Variants in NWD2 observed in about 807,000 individuals in gnomAD.
The protein encoded by NWD2 is NACHT and WD repeat domain-containing protein 2.
NWD2 carries 37 observed loss-of-function variants against 132.7 expected under a neutral mutation model. The ratio of observed to expected loss-of-function variants is 0.28; its 90% CI spans 0.21 to 0.37. The LOEUF is 0.37. Ranked by LOEUF, NWD2 falls within the 10% of genes least tolerant of loss-of-function variation. The pLI is 1.00. For missense variants in NWD2, 1,592 were observed against 2,122.4 expected, an observed-to-expected ratio of 0.75 and a Z score of 4.91; for synonymous variants, 705 against 803.0, an observed-to-expected ratio of 0.88 and a Z score of 2.06.
chr4:37,430,699 G>A lies in NWD2; in HGVS notation c.485G>A (p.Cys162Tyr). ...ACCAAGTTGCTGGAGGAGTGGTACT[G>A]TCGAGATGAGAACTCGGTGCCAGCA... is the stretch of plus-strand genomic sequence containing the variant. ...LETKLLEEWY[C>Y]RDENSVPAAY... Residue 162 changes from cysteine (C) to tyrosine (Y), a missense_variant, in exon 4 of 7, where the codon TGT (cysteine) becomes TAT (tyrosine). Transcript: ENST00000309447. 6.4e-7 allele frequency: 1 copy of A among 1,551,608 alleles called. No individual in the cohort carries two copies. The highest frequency in any genetic ancestry group is 8.7e-7 in the Non-Finnish European group (1 of 1,146,850).
At chr4:37,378,632 T>G (rs575163981) in intron 3 of NWD2, among the ~76,000 whole-genome samples, 1 of 152,354 alleles carries the variant, frequency 6.6e-6, no homozygotes, top group East Asian at 1.9e-4. Context: ...TTTTTTATTT[T>G]TTTTCTTAAT....
chr4:37,281,644 C>T (rs1013689500), intron 1 of NWD2, among the ~76,000 whole-genome samples: 1 of 152,034 alleles, frequency 6.6e-6, no homozygotes, highest in African/African-American at 2.4e-5. Flanking sequence ...TATGAGAAAA[C>T]CAAGTCCAGT....
chr4:37,316,517 C>T (rs748083166), intron 1 of NWD2, among the ~76,000 whole-genome samples: 51 of 151,558 alleles, frequency 3.4e-4, no homozygotes, highest in Non-Finnish European at 2.8e-4. Flanking sequence ...AGATTTATGT[C>T]TTCCTTTAAA....
chr4:37,371,493 A>G (rs1489378948), intron 3 of NWD2, among the ~76,000 whole-genome samples: 1 of 152,232 alleles, frequency 6.6e-6, no homozygotes, highest in Admixed American at 6.5e-5. Flanking sequence ...AAGTTCAGAA[A>G]ACAAAGCTGT....
chr4:37,276,018 C>T (rs1718004575), intron 1 of NWD2, among the ~76,000 whole-genome samples: 2 of 152,114 alleles, frequency 1.3e-5, no homozygotes, highest in African/African-American at 4.8e-5. Context: ...ATAGGCAATA[C>T]CATTCAGGAC....
intron 3 of NWD2, among the ~76,000 whole-genome samples, chr4:37,408,808 T>C (rs1459030733): frequency 1.3e-5 from 2 of 152,172 alleles, no homozygotes; most frequent in East Asian, 3.9e-4. Flanking sequence ...GGTGCCCCTC[T>C]GGGACAAAGC....
chr4:37,292,808 C>T (rs896800624), intron 1 of NWD2, among the ~76,000 whole-genome samples: 2 of 151,952 alleles, frequency 1.3e-5, no homozygotes, highest in Admixed American at 6.6e-5. Context: ...TCCCGGATCC[C>T]GCACACGCCC....
chr4:37,300,053 G>C (rs1189463668), intron 1 of NWD2, among the ~76,000 whole-genome samples: 2 of 152,084 alleles, frequency 1.3e-5, no homozygotes, highest in African/African-American at 4.8e-5. Flanking sequence ...TCTTCTAGAA[G>C]ATATCTCCTC....
chr4:37,286,438 T>C (rs1718231838), intron 1 of NWD2, among the ~76,000 whole-genome samples: 2 of 152,236 alleles, frequency 1.3e-5, no homozygotes, highest in African/African-American at 4.8e-5. Flanking sequence ...GAACCCTGAA[T>C]TGGAAAGTAT....
At chr4:37,377,691 G>A (rs922601067) in intron 3 of NWD2, among the ~76,000 whole-genome samples, 18 of 152,028 alleles carry the variant, frequency 1.2e-4, no homozygotes, top group African/African-American at 2.7e-4. Context: ...AGATCACGCC[G>A]TTGCACTCCA....
Position 37,320,194 on chromosome 4 carries a change from GA to G in NWD2, c.152-5741del, listed in dbSNP as rs529629877. Among the ~76,000 whole-genome samples the G allele has an allele frequency of 2.5e-3, 377 of 152,174 alleles. 1 individual carries two copies. The highest frequency in any genetic ancestry group is 3.5e-3 in the Non-Finnish European group (236 of 67,958). Reference sequence around the variant, plus strand: ...TTCTTCTTGTAGAGATCTTTCATCTGATAGGACCTTCTGAGCATGGAAAGCA... The same window carrying G: ...TTCTTCTTGTAGAGATCTTTCATCTGTAGGACCTTCTGAGCATGGAAAGCA... On this transcript the variant is annotated intron_variant, in intron 1 of 6. Transcript: ENST00000309447.
chr4:37,336,965 A>AAC (rs1553894070), intron 2 of NWD2, among the ~76,000 whole-genome samples: 1 of 151,182 alleles, frequency 6.6e-6, no homozygotes, highest in Non-Finnish European at 1.5e-5. Context: ...AAAAAAAAAA[A>AAC]AAAAAACAAG....
At chr4:37,348,834 G>C (rs1202482875) in intron 2 of NWD2, among the ~76,000 whole-genome samples, 1 of 150,322 alleles carries the variant, frequency 6.7e-6, no homozygotes, top group Non-Finnish European at 1.5e-5. Flanking sequence ...CCCTCCCCTA[G>C]TACCCCACCC....
chr4:37,342,903 C>T (rs185654018), intron 2 of NWD2, among the ~76,000 whole-genome samples: 171 of 152,282 alleles, frequency 1.1e-3, no homozygotes, highest in African/African-American at 4.0e-3. Context: ...CCTTTCTGGG[C>T]TTAACTGAGG....
Position 37,446,353 on chromosome 4 carries a change from T to G in NWD2, c.4365T>G (p.Thr1455=), listed in dbSNP as rs1043670894. Residue 1455 remains threonine (T), a synonymous_variant, in exon 7 of 7, where the codon ACT becomes ACG. Transcript: ENST00000309447. The surrounding 1 kb of genome is among the most constrained non-coding windows in gnomAD (Gnocchi z 6.7). ...TSANTFVVGM[T]KSKVLAVSLW... is the part of the protein sequence containing the mutation. Reference sequence around the variant, plus strand: ...CAAATACCTTCGTGGTGGGAATGACTAAAAGCAAAGTGTTGGCAGTCAGTC... The same window carrying G: ...CAAATACCTTCGTGGTGGGAATGACGAAAAGCAAAGTGTTGGCAGTCAGTC... The G allele has an allele frequency of 5.8e-6, 9 of 1,551,898 alleles. No individual in the cohort carries two copies. Among genetic ancestry groups the G allele is most frequent in the Non-Finnish European group, 7.0e-6 (8 of 1,147,050 alleles).
At chr4:37,409,920 A>G (rs1184570390) in intron 3 of NWD2, among the ~76,000 whole-genome samples, 2 of 152,204 alleles carry the variant, frequency 1.3e-5, no homozygotes, top group African/African-American at 4.8e-5. Context: ...TTCATAAGAA[A>G]AGGAGAAATA....
intron 3 of NWD2, among the ~76,000 whole-genome samples, chr4:37,391,240 C>T (rs1181368792): frequency 6.6e-6 from 1 of 152,170 alleles, no homozygotes; most frequent in African/African-American, 2.4e-5. Flanking sequence ...AATTAAATGA[C>T]ATATCATACT....
intron 1 of NWD2, among the ~76,000 whole-genome samples, chr4:37,295,227 T>A (rs1718450302): frequency 6.6e-6 from 1 of 152,228 alleles, no homozygotes; most frequent in Non-Finnish European, 1.5e-5. Flanking sequence ...TTTTTATTTT[T>A]ATTTTTTCAC....
At position 37,245,146 on chromosome 4, in the gene NWD2, CT is replaced by C; in HGVS notation, c.80del (p.Leu27ProfsTer33). On this transcript the variant is annotated frameshift_variant, in exon 1 of 7. Coordinates refer to ENST00000309447, the MANE Select transcript of NWD2 (RefSeq NM_001144990.2). LOFTEE classifies it high-confidence loss of function. ...CCGGCGGGCGGCTTTCTCTGGGAACCTCACGGCCCTGCCCTCTCACCTCGTG... is the reference window on the plus strand; with the variant it reads ...CCGGCGGGCGGCTTTCTCTGGGAACCCACGGCCCTGCCCTCTCACCTCGTG... ...ALRRAAFSGN[L>X]TALPSHLVPA... 6.5e-7 allele frequency: 1 copy of C among 1,547,810 alleles called. No homozygotes were observed. Among genetic ancestry groups the C allele is most frequent in the Non-Finnish European group, 8.7e-7 (1 of 1,146,666 alleles).
Sources: allele counts gnomAD v4.1 joint callset (sites outside exome capture counted in the v4.1 genomes callset), GRCh38; gene constraint gnomAD v4.1.1; non-coding constraint Gnocchi (gnomAD v3.1); transcripts MANE v1.5; gene names NCBI Gene and HGNC (gene_info 2026-07-23, HGNC 2026-07-21).